Variants in DNM3 observed in about 807,000 individuals in gnomAD.
The protein encoded by DNM3 is dynamin-3.
Under a neutral mutation model 101.6 loss-of-function variants are expected in DNM3, and 47 were observed. The ratio of observed to expected loss-of-function variants is 0.46; its 90% CI spans 0.37 to 0.59. The LOEUF is 0.59. Among genes scored for constraint, DNM3 ranks in the 20% least tolerant of loss-of-function variants. The pLI is 0.00. For missense variants in DNM3, 849 were observed against 1,085.7 expected (o/e 0.78, Z 3.06); for synonymous variants, 385 against 387.9 (o/e 0.99, Z 0.09).
At chr1:172,085,497 A>G (rs2053466597) in intron 12 of DNM3, among the ~76,000 whole-genome samples, 1 of 152,126 alleles carries the variant, frequency 6.6e-6, no homozygotes, top group Non-Finnish European at 1.5e-5. Context: ...ATGCAGTCCA[A>G]TGGTTAAAGA....
intron 4 of DNM3, among the ~76,000 whole-genome samples, chr1:172,000,702 C>A (rs555659366): frequency 9.2e-5 from 14 of 152,098 alleles, no homozygotes; most frequent in African/African-American, 2.4e-4. Flanking sequence ...GAGAACTGAC[C>A]ATTGGATCTG....
At chr1:171,965,458 T>C (rs1466474634) in intron 2 of DNM3, among the ~76,000 whole-genome samples, 1 of 149,696 alleles carries the variant, frequency 6.7e-6, no homozygotes, top group Non-Finnish European at 1.5e-5. Context: ...AAGGCTGAGG[T>C]AGGAGGATTA....
At chr1:172,358,255 T>C (rs1049653177) in intron 17 of DNM3, among the ~76,000 whole-genome samples, 2 of 152,066 alleles carry the variant, frequency 1.3e-5, no homozygotes, top group Non-Finnish European at 2.9e-5. Flanking sequence ...CGCGTGTGTA[T>C]ATGTGTGTGT....
intron 10 of DNM3, among the ~76,000 whole-genome samples, chr1:172,067,460 T>C (rs2051776221): frequency 1.3e-5 from 2 of 152,048 alleles, no homozygotes; most frequent in Non-Finnish European, 2.9e-5. Context: ...ATGTGGCCCC[T>C]CTCTACTTTT....
At position 172,261,760 on chromosome 1, in the gene DNM3, G is replaced by C. The variant is rs757909509; in HGVS notation, c.1769+8078G>C. 2.0e-5 allele frequency among the ~76,000 whole-genome samples: 3 copies of C among 152,350 alleles called. 1 individual carries two copies. The South Asian group carries it at 6.2e-4, about 32-fold the overall frequency. ...GGGCTGGCCCACAGACTTTCAGGTG[G>C]TGTGTATGGTTGGGTGCCAGCTGTG... On this transcript the variant is annotated intron_variant, in intron 15 of 20. Coordinates refer to ENST00000627582, the MANE Select transcript of DNM3 (RefSeq NM_015569.5).
chr1:172,351,554 T>C (rs1190912523), intron 17 of DNM3, among the ~76,000 whole-genome samples: 1 of 152,206 alleles, frequency 6.6e-6, no homozygotes, highest in Non-Finnish European at 1.5e-5. Context: ...AAAAAAATTC[T>C]TCAGGCTGAA....
At chr1:172,347,558 A>T (rs1249465154) in intron 17 of DNM3, among the ~76,000 whole-genome samples, 1 of 152,240 alleles carries the variant, frequency 6.6e-6, no homozygotes, top group Non-Finnish European at 1.5e-5. Context: ...TCAAGGAATC[A>T]GATTAGATAT....
chr1:172,065,677 C>G (rs950336085), intron 10 of DNM3, among the ~76,000 whole-genome samples: 2 of 152,006 alleles, frequency 1.3e-5, no homozygotes, highest in African/African-American at 4.8e-5. Flanking sequence ...TCTCAGGATT[C>G]AGATAAGAGG....
intron 14 of DNM3, among the ~76,000 whole-genome samples, chr1:172,243,926 A>G (rs2061843615): frequency 6.6e-6 from 1 of 152,084 alleles, no homozygotes; most frequent in South Asian, 2.1e-4. Context: ...CAGGTTAGTT[A>G]CATATGTATA....
At position 172,322,443 on chromosome 1, in the gene DNM3, A is replaced by T. The variant is rs189003323; in HGVS notation, c.1882-886A>T. On this transcript the variant is annotated intron_variant, in intron 16 of 20. Coordinates refer to ENST00000627582, the MANE Select transcript of DNM3 (RefSeq NM_015569.5). ...TGAGGACTTGGGCTGCCCCGGGAGT[A>T]ATGAATCACCGTCTTATTTTTTTAG... Among the ~76,000 whole-genome samples the T allele has an allele frequency of 4.3e-3, 650 of 152,324 alleles. 12 individuals carry two copies. Among genetic ancestry groups the T allele is most frequent in the African/African-American group, 0.015 (610 of 41,562 alleles).
At chr1:171,943,885 C>T (rs1222382996) in intron 2 of DNM3, among the ~76,000 whole-genome samples, 1 of 152,030 alleles carries the variant, frequency 6.6e-6, no homozygotes, top group Non-Finnish European at 1.5e-5. Flanking sequence ...ATTAGAATGT[C>T]TTGGCTGATT....
rs182298865 is a variant in DNM3 at position 172,057,492 on chromosome 1, T to A, written c.1335+8742T>A. Among the ~76,000 whole-genome samples the A allele has an allele frequency of 6.9e-3, 1,051 of 152,224 alleles. 20 individuals carry two copies. The highest frequency in any genetic ancestry group is 0.024 in the African/African-American group (991 of 41,508). On this transcript the variant is annotated intron_variant, in intron 10 of 20. Transcript: ENST00000627582. ...GGAAGCCCATCAGACTAACAGCGGA[T>A]CTCTCAGCAGAAACTCTACAAGCCA...
chr1:172,387,673 G>T (rs200887496), intron 19 of DNM3, among the ~76,000 whole-genome samples: 1 of 150,844 alleles, frequency 6.6e-6, no homozygotes, highest in Non-Finnish European at 1.5e-5. Context: ...AAAAAAAGAA[G>T]ATGGACCCAC....
chr1:171,926,274 A>G (rs1241536177), intron 2 of DNM3, among the ~76,000 whole-genome samples: 1 of 152,196 alleles, frequency 6.6e-6, no homozygotes, highest in Non-Finnish European at 1.5e-5. Flanking sequence ...ATTTGATAGG[A>G]ATTGCATAGA....
At chr1:172,163,243 G>GTTTT (rs201806268) in intron 14 of DNM3, among the ~76,000 whole-genome samples, 1 of 134,440 alleles carries the variant, frequency 7.4e-6, no homozygotes, top group Non-Finnish European at 1.6e-5. Context: ...TTCTTTTTTT[G>GTTTT]TTTTTTTTTT....
At chr1:172,217,454 G>A (rs1423183936) in intron 14 of DNM3, among the ~76,000 whole-genome samples, 2 of 152,136 alleles carry the variant, frequency 1.3e-5, no homozygotes, top group East Asian at 1.9e-4. Context: ...TTGTGTAGCG[G>A]TAAGTGAAGA....
rs938274256 is a variant in DNM3 at position 172,339,251 on chromosome 1, G to T, written c.1893+15911G>T. Among the ~76,000 whole-genome samples, 7 of 152,236 alleles carry T rather than the reference G, an allele frequency of 4.6e-5. No homozygotes were observed. The East Asian group carries it at 1.4e-3, about 29-fold the overall frequency. On this transcript the variant is annotated intron_variant, in intron 17 of 20. Coordinates refer to ENST00000627582, the MANE Select transcript of DNM3 (RefSeq NM_015569.5). ...GAATGCTTGCATCTGCCACACTTGG[G>T]GGAAGGAAGCACCATGAAAATGCTG...
chr1:172,225,846 A>G (rs2061097641), intron 14 of DNM3, among the ~76,000 whole-genome samples: 1 of 151,586 alleles, frequency 6.6e-6, no homozygotes, highest in African/African-American at 2.4e-5. Context: ...CATGAATTAT[A>G]TATATGATAT....
chr1:172,231,761 G>C (rs1045824292), intron 14 of DNM3, among the ~76,000 whole-genome samples: 2 of 152,202 alleles, frequency 1.3e-5, no homozygotes, highest in African/African-American at 4.8e-5. Context: ...ACTTGATGGA[G>C]CTGAAAACCA....
Sources: allele counts gnomAD v4.1 joint callset (sites outside exome capture counted in the v4.1 genomes callset), GRCh38; gene constraint gnomAD v4.1.1; transcripts MANE v1.5; gene names NCBI Gene and HGNC (gene_info 2026-07-23, HGNC 2026-07-21).